Variants in GON4L observed in about 807,000 individuals in gnomAD.
The protein encoded by GON4L is GON-4-like protein.
Under a neutral mutation model 211.8 loss-of-function variants are expected in GON4L, and 87 were observed. That is an observed-to-expected ratio of 0.41 (90% CI 0.35 to 0.49). GON4L has a LOEUF of 0.49. Ranked by LOEUF, GON4L falls within the 20% of genes least tolerant of loss-of-function variation. The pLI is 0.15. For missense variants in GON4L, 2,155 were observed against 2,659.5 expected, an observed-to-expected ratio of 0.81 and a Z score of 4.17; for synonymous variants, 875 against 962.6, an observed-to-expected ratio of 0.91 and a Z score of 1.68.
chr1:155,829,832 A>G (rs16837058), intron 2 of GON4L, among the ~76,000 whole-genome samples: 2,215 of 152,286 alleles, frequency 0.015, 61 homozygotes, highest in African/African-American at 0.051. Flanking sequence ...GGGGAAATAA[A>G]TTGAAAAGCA....
intron 12 of GON4L, among the ~76,000 whole-genome samples, chr1:155,790,366 G>A (rs1665409701): frequency 6.6e-6 from 1 of 151,750 alleles, no homozygotes; most frequent in African/African-American, 2.4e-5. Flanking sequence ...CCAAAGTGCT[G>A]GGATTACAGG....
rs970803959 is a variant in GON4L, at chr1:155,856,235, CTT to C, written c.-27+910_-27+911del. 3.3e-5 allele frequency among the ~76,000 whole-genome samples: 5 copies of C among 152,010 alleles called. 1 individual carries two copies. The South Asian group carries it at 6.2e-4, about 19-fold the overall frequency. On this transcript the variant is annotated intron_variant, in intron 1 of 31. Transcript: ENST00000368331. ...CTTTTCTTTCTTTCTCTCTCTCTCT[CTT>C]TCTTTCCAGAGACAAGGTCTCGCTC...
intron 18 of GON4L, 121 bp downstream of exon 18, chr1:155,772,945 C>T (rs1557845951): frequency 7.5e-7 from 1 of 1,330,482 alleles, no homozygotes; most frequent in East Asian, 2.3e-5. Context: ...TATTGCTTTT[C>T]CTTTTGTCTT....
rs1268847821 is a variant in GON4L at position 155,762,327 on chromosome 1, G to A, written c.4774C>T (p.Arg1592Cys). 9 of 1,613,500 alleles carry A rather than the reference G, an allele frequency of 5.6e-6. No homozygotes were observed. The highest frequency in any genetic ancestry group is 2.7e-5 in the African/African-American group (2 of 74,912). Reference protein sequence around the residue: ...AGKGRNNHRARNKRGSRARAS... With the variant: ...AGKGRNNHRACNKRGSRARAS... The stretch of plus-strand genomic sequence containing the variant: ...CGAGCCCGACTTCCCCGCTTGTTGC[G>A]AGCTCGATGATTGTTCCGGCCTTTT... The change falls in exon 23 of 32, where the codon CGC becomes TGC. Residue 1592 changes from arginine to cysteine, a missense_variant. By Grantham distance (180) the Arg-to-Cys change is radical (BLOSUM62 -3). Transcript: ENST00000368331.
downstream of GON4L, among the ~76,000 whole-genome samples, chr1:155,745,411 G>T (rs969065318): frequency 2.6e-5 from 4 of 152,252 alleles, no homozygotes; most frequent in African/African-American, 9.6e-5. Flanking sequence ...AGGCTTTAGC[G>T]GAGCTTCCGC....
intron 14 of GON4L, among the ~76,000 whole-genome samples, chr1:155,782,684 T>C (rs992922299): frequency 2.0e-5 from 3 of 152,120 alleles, no homozygotes; most frequent in Non-Finnish European, 4.4e-5. Flanking sequence ...TTTTATTTTA[T>C]TTTTTTGAGA....
At chr1:155,774,567 A>G (rs903757820) in intron 17 of GON4L, among the ~76,000 whole-genome samples, 1 of 152,080 alleles carries the variant, frequency 6.6e-6, no homozygotes. Context: ...TCGGCCTCCC[A>G]AAGTACTGGG....
intron 17 of GON4L, chr1:155,773,494 G>A (rs1663426920): frequency 4.7e-6 from 2 of 429,244 alleles, no homozygotes; most frequent in Non-Finnish European, 4.3e-6. Context: ...GTAAAATAAG[G>A]TGCTAACAAT....
chr1:155,839,712 A>G (rs1429700999), intron 2 of GON4L, among the ~76,000 whole-genome samples: 1 of 152,072 alleles, frequency 6.6e-6, no homozygotes, highest in Non-Finnish European at 1.5e-5. Flanking sequence ...CATATCATAC[A>G]TGGTCTGTGC....
downstream of GON4L, chr1:155,745,690 C>G: frequency 1.3e-6 from 1 of 752,572 alleles, no homozygotes. Flanking sequence ...ATCGGCGCAT[C>G]ATTTCTCCAA....
intron 2 of GON4L, among the ~76,000 whole-genome samples, chr1:155,831,842 C>T (rs1373383567): frequency 6.6e-6 from 1 of 151,970 alleles, no homozygotes; most frequent in Admixed American, 6.6e-5. Context: ...TATGATCGTA[C>T]CACTGGACTA....
At chr1:155,810,171 T>C (rs917327284) in intron 10 of GON4L, among the ~76,000 whole-genome samples, 3 of 150,640 alleles carry the variant, frequency 2.0e-5, no homozygotes, top group African/African-American at 7.3e-5. Context: ...AATTTTTGTA[T>C]TTTTAGTGGA....
chr1:155,780,390 G>A (rs1053651050), intron 14 of GON4L, among the ~76,000 whole-genome samples: 9 of 151,684 alleles, frequency 5.9e-5, no homozygotes, highest in Middle Eastern at 3.2e-3. Flanking sequence ...TCAGTGGTTC[G>A]AGACTAGCCT....
chr1:155,843,811 T>C (rs1454125563), intron 2 of GON4L, among the ~76,000 whole-genome samples: 1 of 152,108 alleles, frequency 6.6e-6, no homozygotes, highest in Non-Finnish European at 1.5e-5. Context: ...CTGGAAAAGG[T>C]ATCTCTATAG....
At chr1:155,802,921 A>T (rs1464506578) in intron 11 of GON4L, among the ~76,000 whole-genome samples, 1 of 152,128 alleles carries the variant, frequency 6.6e-6, no homozygotes, top group East Asian at 1.9e-4. Context: ...TCACCACTGC[A>T]CTCCAGCCTG....
At position 155,770,940 on chromosome 1, in the gene GON4L, T is replaced by C. The variant is rs535798874; in HGVS notation, c.2646+127A>G. 8 of 1,306,198 alleles carry C rather than the reference T, an allele frequency of 6.1e-6. No homozygotes were observed. In the South Asian group the frequency reaches 8.5e-5, roughly 14 times the overall value. The allele number at this position is 1,306,198 out of a possible 1,614,324, so 80.9% of individuals were successfully genotyped here. A position where few individuals can be genotyped will look rare whatever the true frequency, so the allele number is the denominator to read the frequency against. ...GCCCAAAAGGCAATAGGGGAATTAA[T>C]CTAGTGTAAAGTGGGAGAAATTAGC... On this transcript the variant is annotated intron_variant, in intron 19 of 31. Transcript: ENST00000368331.
chr1:155,761,173 T>G, intron 23 of GON4L, among the ~76,000 whole-genome samples: 1 of 142,048 alleles, frequency 7.0e-6, no homozygotes, highest in Admixed American at 7.0e-5. Flanking sequence ...AGCTTATGTG[T>G]GGTTTTTTTT....
At position 155,805,142 on chromosome 1, in the gene GON4L, C is replaced by G; in HGVS notation, c.1453-1G>C. 6.2e-7 allele frequency: 1 copy of G among 1,609,676 alleles called. No individual in the cohort carries two copies. The highest frequency in any genetic ancestry group is 8.5e-7 in the Non-Finnish European group (1 of 1,175,986). ...ATGCAATGAGACTGTCATCCATGGG[C>G]TGGACAATGGAGAAAGAAAAGTCAC... On this transcript the variant is annotated splice_acceptor_variant, in intron 10 of 31. Transcript: ENST00000368331. LOFTEE classifies it high-confidence loss of function.
chr1:155,801,990 G>A (rs1285797417), intron 11 of GON4L, among the ~76,000 whole-genome samples: 1 of 150,904 alleles, frequency 6.6e-6, no homozygotes, highest in Non-Finnish European at 1.5e-5. Flanking sequence ...TGGGATTACA[G>A]GCATGAGCCA....
Sources: gnomAD v4.1 joint callset for allele counts (sites outside exome capture counted in the v4.1 genomes callset) on GRCh38, gnomAD v4.1.1 for gene constraint, MANE v1.5 for transcripts, NCBI Gene and HGNC (gene_info 2026-07-23, HGNC 2026-07-21) for gene names.